The following LRCH1 variants were observed in gnomAD, a reference collection of about 807,000 sequenced individuals.
The protein encoded by LRCH1 is leucine rich repeats and calponin homology domain containing 1, also known as leucine-rich repeat and calponin homology domain-containing protein 1.
Under a neutral mutation model 94.9 loss-of-function variants are expected in LRCH1, and 23 were observed. The ratio of observed to expected loss-of-function variants is 0.24; its 90% CI spans 0.17 to 0.34. LRCH1 has a LOEUF of 0.34. LRCH1 is among the 10% of genes least tolerant of loss of function. The pLI, the probability that LRCH1 is intolerant of heterozygous loss-of-function variation, is 1.00. For synonymous variants in LRCH1, 364 were observed against 354.9 expected (o/e 1.03, Z -0.29); for missense variants, 790 against 945.9 (o/e 0.84, Z 2.16).
chr13:46,609,501 A>G lies in LRCH1; in HGVS notation c.308-40700A>G, dbSNP rs574595637. Among the ~76,000 whole-genome samples, 5 of 151,710 alleles carry G rather than the reference A, an allele frequency of 3.3e-5. No individual in the cohort carries two copies. In the East Asian group the frequency reaches 9.7e-4, roughly 29 times the overall value. On this transcript the variant is annotated intron_variant, in intron 1 of 19. Coordinates refer to ENST00000389797, the MANE Select transcript of LRCH1 (RefSeq NM_001164211.2). ...TTTTTATAAACATGTAGCTACTGATATTTTTTTTTGAAGGTGAAAGCTTTA... is the reference window on the plus strand; with the variant it reads ...TTTTTATAAACATGTAGCTACTGATGTTTTTTTTTGAAGGTGAAAGCTTTA...
At chr13:46,581,185 C>T (rs577581200) in intron 1 of LRCH1, among the ~76,000 whole-genome samples, 92 of 152,264 alleles carry the variant, frequency 6.0e-4, no homozygotes, top group Admixed American at 1.5e-3. Context: ...TTCCTTTGCT[C>T]CTTCAATCTC....
intron 1 of LRCH1, among the ~76,000 whole-genome samples, chr13:46,621,754 GAGTT>G (rs1296183796): frequency 6.6e-6 from 1 of 152,176 alleles, no homozygotes; most frequent in Non-Finnish European, 1.5e-5. Context: ...TATAATAAGA[GAGTT>G]AGTAGCTTCA....
intron 3 of LRCH1, chr13:46,680,173 G>T (rs1438256788): frequency 6.6e-6 from 1 of 152,264 alleles, no homozygotes; most frequent in Non-Finnish European, 1.5e-5. Flanking sequence ...ACCTGCATGG[G>T]ATTTGGTATG....
At chr13:46,566,457 A>G (rs913383462) in intron 1 of LRCH1, among the ~76,000 whole-genome samples, 35 of 152,194 alleles carry the variant, frequency 2.3e-4, no homozygotes, top group Admixed American at 7.9e-4. Context: ...TAATGTTTGT[A>G]GGGCCAGACT....
At chr13:46,739,419 C>T (rs1376245906) in intron 19 of LRCH1, among the ~76,000 whole-genome samples, 3 of 152,158 alleles carry the variant, frequency 2.0e-5, no homozygotes, top group Non-Finnish European at 4.4e-5. Context: ...GAAATTTTGC[C>T]TCTTTAAATT....
At chr13:46,735,166 A>G (rs892693465) in intron 19 of LRCH1, among the ~76,000 whole-genome samples, 1 of 152,258 alleles carries the variant, frequency 6.6e-6, no homozygotes, top group Non-Finnish European at 1.5e-5. Context: ...TAAATTTTAT[A>G]TGATGGACTG....
intron 6 of LRCH1, among the ~76,000 whole-genome samples, chr13:46,688,699 T>C (rs189789307): frequency 6.6e-6 from 1 of 152,362 alleles, no homozygotes; most frequent in East Asian, 1.9e-4. Flanking sequence ...GTACACTGTT[T>C]TATGTACTTA....
chr13:46,625,192 G>A (rs550929105), intron 1 of LRCH1, among the ~76,000 whole-genome samples: 3 of 152,286 alleles, frequency 2.0e-5, no homozygotes, highest in East Asian at 1.9e-4. Context: ...CTTCTTTCCC[G>A]ACTCCCTCAG....
intron 1 of LRCH1, among the ~76,000 whole-genome samples, chr13:46,568,781 A>G (rs1415405562): frequency 3.3e-5 from 5 of 152,198 alleles, no homozygotes; most frequent in Non-Finnish European, 7.3e-5. Flanking sequence ...GTGAGTACAT[A>G]GGTAGGTGTA....
At chr13:46,573,033 G>T (rs1009206558) in intron 1 of LRCH1, among the ~76,000 whole-genome samples, 5 of 152,138 alleles carry the variant, frequency 3.3e-5, no homozygotes, top group African/African-American at 1.2e-4. Flanking sequence ...GTCACAGAGG[G>T]CTTTGGGGAA....
intron 1 of LRCH1, among the ~76,000 whole-genome samples, chr13:46,621,142 A>G (rs1410903409): frequency 2.0e-5 from 3 of 152,196 alleles, no homozygotes; most frequent in Non-Finnish European, 2.9e-5. Flanking sequence ...ACTCTCTAAC[A>G]TGCGTTCCGC....
chr13:46,738,011 G>T (rs974047634), intron 19 of LRCH1, among the ~76,000 whole-genome samples: 7 of 152,092 alleles, frequency 4.6e-5, no homozygotes, highest in Non-Finnish European at 1.0e-4. Flanking sequence ...CTTCTGTAAG[G>T]CATGAGATCC....
At chr13:46,658,883 A>G (rs1295212061) in intron 2 of LRCH1, among the ~76,000 whole-genome samples, 11 of 152,182 alleles carry the variant, frequency 7.2e-5, no homozygotes, top group Admixed American at 7.2e-4. Flanking sequence ...GATTCATTAG[A>G]TTGGTCAAGT....
chr13:46,568,856 T>A (rs1458636744), intron 1 of LRCH1, among the ~76,000 whole-genome samples: 1 of 152,194 alleles, frequency 6.6e-6, no homozygotes, highest in Non-Finnish European at 1.5e-5. Flanking sequence ...ATGTAAATCA[T>A]ACCTTGATAC....
chr13:46,622,214 G>T (rs1167005304), intron 1 of LRCH1, among the ~76,000 whole-genome samples: 1 of 149,022 alleles, frequency 6.7e-6, no homozygotes, highest in Non-Finnish European at 1.5e-5. Flanking sequence ...CCCCCAAGGC[G>T]AGGTATCCTG....
intron 1 of LRCH1, among the ~76,000 whole-genome samples, chr13:46,562,111 T>A (rs1277980210): frequency 6.6e-6 from 1 of 152,234 alleles, no homozygotes; most frequent in Non-Finnish European, 1.5e-5. Context: ...ACACTTGGTC[T>A]CTGCATTTTT....
intron 1 of LRCH1, among the ~76,000 whole-genome samples, chr13:46,646,683 C>T (rs1052093003): frequency 1.3e-5 from 2 of 152,116 alleles, no homozygotes; most frequent in African/African-American, 2.4e-5. Flanking sequence ...TTTAATATTA[C>T]ATTCAATCAC....
At chr13:46,659,350 G>A (rs2138097336) in intron 2 of LRCH1, among the ~76,000 whole-genome samples, 1 of 152,094 alleles carries the variant, frequency 6.6e-6, no homozygotes, top group African/African-American at 2.4e-5. Flanking sequence ...CCGCCACCAT[G>A]CCCGGCTAAT....
At chr13:46,613,971 G>A (rs1025782862) in intron 1 of LRCH1, among the ~76,000 whole-genome samples, 3 of 151,570 alleles carry the variant, frequency 2.0e-5, no homozygotes, top group Non-Finnish European at 2.9e-5. Flanking sequence ...AGCTGCCTTC[G>A]TTAATAGGCC....
Sources: gnomAD v4.1 joint callset for allele counts (sites outside exome capture counted in the v4.1 genomes callset) on GRCh38, gnomAD v4.1.1 for gene constraint, MANE v1.5 for transcripts, NCBI Gene and HGNC (gene_info 2026-07-23, HGNC 2026-07-21) for gene names.